Variants in TBC1D15 observed in about 807,000 individuals in gnomAD.
TBC1D15 encodes TBC1 domain family member 15.
In TBC1D15, 39 loss-of-function variants were observed where a neutral mutation model predicts 95.4. The ratio of observed to expected loss-of-function variants is 0.41; its 90% CI spans 0.32 to 0.53. The LOEUF (loss-of-function observed/expected upper bound fraction) is 0.53, where lower values mean the gene tolerates loss of function less well. TBC1D15 is among the 20% of genes least tolerant of loss of function. TBC1D15 has a pLI of 0.29. For synonymous variants in TBC1D15, 258 were observed against 261.3 expected (o/e 0.99, Z 0.12); for missense variants, 733 against 794.3 (o/e 0.92, Z 0.93).
At chr12:71,878,739 A>G (rs11610394) in intron 3 of TBC1D15, among the ~76,000 whole-genome samples, 16,554 of 151,364 alleles carry the variant, frequency 0.11, 1,067 homozygotes, top group African/African-American at 0.16. Context: ...CTTGTCTCAA[A>G]CTCCTGACCT....
In TBC1D15 at chr12:71,923,984, T is replaced by C. The variant is rs1336243201; in HGVS notation, c.*780T>C. ...TTCTTAAACATTTATTTCATGAGAT[T>C]ATGTTCAACCCTGTACCTGGTGTAA... On this transcript the variant is annotated 3_prime_UTR_variant, in exon 17 of 17. Coordinates refer to ENST00000485960, the MANE Select transcript of TBC1D15 (RefSeq NM_001146213.3). The C allele has an allele frequency of 6.6e-6, 1 of 152,602 alleles. No homozygotes were observed. The highest frequency in any genetic ancestry group is 1.5e-5 in the Non-Finnish European group (1 of 68,010). 9.5% of individuals were successfully genotyped at this position (152,602 alleles called of 1,614,324 possible).
At chr12:71,900,799 A>C (rs575346484) in intron 10 of TBC1D15, among the ~76,000 whole-genome samples, 2 of 152,248 alleles carry the variant, frequency 1.3e-5, no homozygotes, top group African/African-American at 4.8e-5. Flanking sequence ...GTTTGTGTGC[A>C]ATGTTGCCAT....
At chr12:71,857,601 A>T (rs1011159179) in intron 1 of TBC1D15, among the ~76,000 whole-genome samples, 1 of 152,182 alleles carries the variant, frequency 6.6e-6, no homozygotes, top group African/African-American at 2.4e-5. Context: ...TAATAATTGT[A>T]CATATTTATG....
intron 3 of TBC1D15, among the ~76,000 whole-genome samples, chr12:71,876,721 C>G (rs1287238937): frequency 6.7e-6 from 1 of 149,198 alleles, no homozygotes; most frequent in South Asian, 2.1e-4. Context: ...TTTTTAAAGA[C>G]TTGGCTTTAT....
intron 10 of TBC1D15, among the ~76,000 whole-genome samples, chr12:71,904,274 A>G (rs1435774094): frequency 1.3e-5 from 2 of 152,202 alleles, no homozygotes; most frequent in African/African-American, 4.8e-5. Flanking sequence ...TAAGGAGATC[A>G]CTGGAGATTT....
At chr12:71,885,600 T>G (rs1195405609) in intron 5 of TBC1D15, among the ~76,000 whole-genome samples, 6 of 152,158 alleles carry the variant, frequency 3.9e-5, no homozygotes. Context: ...AAAACAGGGG[T>G]GTTCCTAGGA....
At chr12:71,910,522 T>C (rs1484856125) in intron 11 of TBC1D15, among the ~76,000 whole-genome samples, 2 of 151,946 alleles carry the variant, frequency 1.3e-5, no homozygotes, top group African/African-American at 4.8e-5. Context: ...TTTGTTTATA[T>C]CCTCTTTTAT....
At chr12:71,912,052 C>CAGTAACGT (rs1902503609) in intron 11 of TBC1D15, among the ~76,000 whole-genome samples, 2 of 152,110 alleles carry the variant, frequency 1.3e-5, no homozygotes, top group Non-Finnish European at 2.9e-5. Flanking sequence ...CAGTCAGGCT[C>CAGTAACGT]AGTAACGTAG....
chr12:71,839,822 G>A lies in TBC1D15; in HGVS notation c.30+11G>A. ...GTTGTGAGCGGGAAGGTAGGTAACGGCCTCCAGGAAGACCTCGGCTTTTCT... is the reference window on the plus strand; with the variant it reads ...GTTGTGAGCGGGAAGGTAGGTAACGACCTCCAGGAAGACCTCGGCTTTTCT... On this transcript the variant is annotated intron_variant, in intron 1 of 16. Transcript: ENST00000485960. The A allele has an allele frequency of 6.2e-7, 1 of 1,614,106 alleles. No individual in the cohort carries two copies. The highest frequency in any genetic ancestry group is 8.5e-7 in the Non-Finnish European group (1 of 1,179,980).
intron 4 of TBC1D15, among the ~76,000 whole-genome samples, chr12:71,882,711 CA>C (rs11299373): frequency 0.11 from 16,629 of 152,130 alleles, 1,073 homozygotes; most frequent in African/African-American, 0.16. Flanking sequence ...TTCACTTATT[CA>C]ACAGATAGTT....
intron 1 of TBC1D15, among the ~76,000 whole-genome samples, chr12:71,869,662 G>A (rs1401625645): frequency 6.6e-6 from 1 of 152,154 alleles, no homozygotes; most frequent in African/African-American, 2.4e-5. Flanking sequence ...CAAGTCTAGA[G>A]ATCTAATGTA....
intron 1 of TBC1D15, among the ~76,000 whole-genome samples, chr12:71,864,979 TGCTGTCAAGG>T (rs1891179720): frequency 6.6e-6 from 1 of 152,204 alleles, no homozygotes; most frequent in African/African-American, 2.4e-5. Context: ...GTAATGTCCT[TGCTGTCAAGG>T]GCTTTTGGGG....
At chr12:71,886,812 A>G (rs1422637832) in intron 5 of TBC1D15, among the ~76,000 whole-genome samples, 2 of 152,194 alleles carry the variant, frequency 1.3e-5, no homozygotes, top group Non-Finnish European at 2.9e-5. Context: ...TGATTGGAAT[A>G]GAAAATTATG....
chr12:71,896,547 C>T (rs1175432950), intron 8 of TBC1D15, 130 bp from the exon 9 acceptor site: 2 of 722,960 alleles, frequency 2.8e-6, no homozygotes, highest in Non-Finnish European at 4.5e-6. Flanking sequence ...ATGATATTCA[C>T]TGAATTGAAC....
intron 4 of TBC1D15, among the ~76,000 whole-genome samples, chr12:71,881,249 C>G (rs1895067794): frequency 6.6e-6 from 1 of 152,178 alleles, no homozygotes; most frequent in Non-Finnish European, 1.5e-5. Flanking sequence ...TACACAAATA[C>G]TTAGCATTGT....
At chr12:71,857,678 A>C (rs1451692025) in intron 1 of TBC1D15, among the ~76,000 whole-genome samples, 1 of 152,232 alleles carries the variant, frequency 6.6e-6, no homozygotes, top group Non-Finnish European at 1.5e-5. Flanking sequence ...TTTATCACTT[A>C]GAACATTTAT....
At chr12:71,902,253 G>A (rs946027874) in intron 10 of TBC1D15, among the ~76,000 whole-genome samples, 3 of 152,068 alleles carry the variant, frequency 2.0e-5, no homozygotes, top group Non-Finnish European at 2.9e-5. Flanking sequence ...AACCAAAAAA[G>A]AGCCCAAATA....
chr12:71,850,451 C>T (rs768586499), intron 1 of TBC1D15: 26 of 220,070 alleles, frequency 1.2e-4, no homozygotes, highest in Non-Finnish European at 1.9e-4. Context: ...TTTGTTCTGT[C>T]GCCCAGGCTG....
At chr12:71,887,885 A>G (rs536859109) in intron 5 of TBC1D15, among the ~76,000 whole-genome samples, 1 of 152,378 alleles carries the variant, frequency 6.6e-6, no homozygotes, top group African/African-American at 2.4e-5. Flanking sequence ...TAAATGTGCA[A>G]TAAATATTAG....
Sources: allele counts gnomAD v4.1 joint callset (sites outside exome capture counted in the v4.1 genomes callset), GRCh38; gene constraint gnomAD v4.1.1; transcripts MANE v1.5; gene names NCBI Gene and HGNC (gene_info 2026-07-23, HGNC 2026-07-21).